The following ZMIZ1 variants were observed in gnomAD, a reference collection of about 807,000 sequenced individuals.
ZMIZ1 encodes the protein zinc finger MIZ-type containing 1, also known as zinc finger MIZ domain-containing protein 1.
Under a neutral mutation model 113.9 loss-of-function variants are expected in ZMIZ1, and 17 were observed. The observed-to-expected ratio is 0.15, with a 90% CI of 0.10 to 0.22. The LOEUF is 0.22. Ranked by LOEUF, ZMIZ1 falls within the 10% of genes least tolerant of loss-of-function variation. The pLI is 1.00. For synonymous variants in ZMIZ1, 607 were observed against 603.1 expected (o/e 1.01, Z -0.09); for missense variants, 1,059 against 1,477.8 (o/e 0.72, Z 4.65).
chr10:79,136,048 C>A (rs1803018015), intron 2 of ZMIZ1, among the ~76,000 whole-genome samples: 1 of 152,162 alleles, frequency 6.6e-6, no homozygotes, highest in Admixed American at 6.5e-5. Context: ...CCTAGGGGGC[C>A]AAAAGGCACC....
chr10:79,160,592 C>T (rs552858545), intron 3 of ZMIZ1, among the ~76,000 whole-genome samples: 10 of 152,226 alleles, frequency 6.6e-5, no homozygotes, highest in Non-Finnish European at 1.2e-4. Flanking sequence ...ACACTTGGTA[C>T]GAGGGCGAAG....
chr10:79,265,786 G>A (rs1851564627), intron 7 of ZMIZ1, among the ~76,000 whole-genome samples: 1 of 152,090 alleles, frequency 6.6e-6, no homozygotes, highest in South Asian at 2.1e-4. Context: ...AGACCACAGG[G>A]TGCTCCCCAC....
chr10:79,129,306 C>T (rs960434005), intron 2 of ZMIZ1, among the ~76,000 whole-genome samples: 1 of 152,158 alleles, frequency 6.6e-6, no homozygotes, highest in Admixed American at 6.5e-5. Flanking sequence ...TGCCTGGGAC[C>T]GTCCTGGTTT....
At position 79,201,779 on chromosome 10, in the gene ZMIZ1, C is replaced by T. The variant is rs575294887; in HGVS notation, c.60+87C>T. On this transcript the variant is annotated intron_variant, in intron 5 of 24. Transcript: ENST00000334512. ...GCATCTGGTGGGTTCTGGCTGGAGA[C>T]GATGGCAGGGCCTCCTGACCACCTA... 4.4e-4 allele frequency: 644 copies of T among 1,458,988 alleles called. 5 individuals are homozygous for T. The South Asian group carries it at 6.4e-3, about 15-fold the overall frequency. 90.4% of individuals were successfully genotyped at this position (1,458,988 alleles called of 1,614,324 possible). A position where few individuals can be genotyped will look rare whatever the true frequency, so the allele number is the denominator to read the frequency against.
chr10:79,310,984 C>A lies in ZMIZ1; in HGVS notation c.2896C>A (p.Pro966Thr). 1 of 1,614,038 alleles carries A rather than the reference C, an allele frequency of 6.2e-7. No homozygotes were observed. Among genetic ancestry groups the A allele is most frequent in the South Asian group, 1.1e-5 (1 of 91,074 alleles). Residue 966 changes from proline (P) to threonine (T), a missense_variant, in exon 24 of 25, where the codon CCA becomes ACA. Pro to Thr is a conservative substitution (Grantham distance 38, BLOSUM62 -1). Transcript: ENST00000334512. ...HPSIQQGLHV[P>T]HPSSQSGPPL... ...CTCCATACAACAAGGTTTGCACGTA[C>A]CACACCCCAGCAGCCAGTCAGGGCC...
chr10:79,298,352 C>T, intron 14 of ZMIZ1, 54 bp from the exon 15 acceptor site: 5 of 1,567,164 alleles, frequency 3.2e-6, no homozygotes, highest in Non-Finnish European at 4.3e-6. Context: ...ATAGCCATGG[C>T]CCCTTCTGTC....
intron 7 of ZMIZ1, among the ~76,000 whole-genome samples, chr10:79,252,723 G>A (rs1176395183): frequency 6.6e-6 from 1 of 152,226 alleles, no homozygotes; most frequent in Non-Finnish European, 1.5e-5. Flanking sequence ...GAGTGTGTGA[G>A]TGTGTGCAGG....
intron 1 of ZMIZ1, among the ~76,000 whole-genome samples, chr10:79,111,076 C>G (rs1281562061): frequency 6.6e-6 from 1 of 152,242 alleles, no homozygotes; most frequent in Admixed American, 6.5e-5. Context: ...ACCGGGGCCC[C>G]TGTGCATAGA....
At chr10:79,076,243 C>T (rs1182740490) in intron 1 of ZMIZ1, among the ~76,000 whole-genome samples, 2 of 152,176 alleles carry the variant, frequency 1.3e-5, no homozygotes, top group Non-Finnish European at 2.9e-5. Context: ...TCCGCCAGTC[C>T]ATTAGCTCAT....
At chr10:79,117,209 A>G (rs1233083470) in intron 1 of ZMIZ1, among the ~76,000 whole-genome samples, 1 of 152,192 alleles carries the variant, frequency 6.6e-6, no homozygotes, top group African/African-American at 2.4e-5. Flanking sequence ...ACAAAATGTC[A>G]CTCACACCGA....
At chr10:79,236,656 C>G (rs1185839170) in intron 7 of ZMIZ1, among the ~76,000 whole-genome samples, 2 of 152,204 alleles carry the variant, frequency 1.3e-5, no homozygotes, top group East Asian at 3.9e-4. Context: ...CCCTGAGAAA[C>G]AACCCACGTT....
chr10:79,227,291 T>C (rs1304326909), intron 7 of ZMIZ1, among the ~76,000 whole-genome samples: 1 of 152,234 alleles, frequency 6.6e-6, no homozygotes, highest in East Asian at 1.9e-4. Context: ...CACCCTCCCA[T>C]CTTTGGGCTC....
chr10:79,184,161 A>C (rs1300328301), intron 4 of ZMIZ1, among the ~76,000 whole-genome samples: 1 of 152,146 alleles, frequency 6.6e-6, no homozygotes, highest in East Asian at 1.9e-4. Flanking sequence ...CAGAATGTTT[A>C]GAAGAAAAGG....
At position 79,307,552 on chromosome 10, in the gene ZMIZ1, G is replaced by T; in HGVS notation, c.2816G>T (p.Ser939Ile). The change falls in exon 23 of 25, where the codon AGC (serine) becomes ATC (isoleucine). Residue 939 changes from serine to isoleucine, a missense_variant. This residue lies in a region of ZMIZ1 where 225 missense variants were observed against 276.0 expected (regional missense o/e 0.82). Transcript: ENST00000334512. ...ATGGCCGCCCTCGAGAAACCCCTCA[G>T]CCACCCCATGCAGGAAACTGTGAGT... is the stretch of plus-strand genomic sequence containing the variant. ...NNMAALEKPL[S>I]HPMQETMPHA... 2 of 1,604,984 alleles carry T rather than the reference G, an allele frequency of 1.2e-6. No individual in the cohort carries two copies. Among genetic ancestry groups the T allele is most frequent in the Non-Finnish European group, 1.7e-6 (2 of 1,177,622 alleles).
chr10:79,107,609 G>T (rs1843607541), intron 1 of ZMIZ1, among the ~76,000 whole-genome samples: 1 of 152,216 alleles, frequency 6.6e-6, no homozygotes, highest in Admixed American at 6.5e-5. Context: ...ACCGGGCGGT[G>T]GGAGGAGGGA....
chr10:79,093,299 TTA>T (rs1843053651), intron 1 of ZMIZ1, among the ~76,000 whole-genome samples: 2 of 67,454 alleles, frequency 3.0e-5, no homozygotes, highest in African/African-American at 1.0e-4. Flanking sequence ...TTTTATTTAT[TTA>T]TTTATTTATT....
chr10:79,193,098 A>T (rs1847677607), intron 4 of ZMIZ1, among the ~76,000 whole-genome samples: 1 of 152,174 alleles, frequency 6.6e-6, no homozygotes, highest in African/African-American at 2.4e-5. Context: ...GCCACCTGCG[A>T]CGTGACCACA....
At chr10:79,116,848 G>A (rs775382088) in intron 1 of ZMIZ1, among the ~76,000 whole-genome samples, 12 of 152,198 alleles carry the variant, frequency 7.9e-5, no homozygotes, top group East Asian at 1.9e-4. Flanking sequence ...CAAGGATACC[G>A]ACTGTCCTGA....
chr10:79,268,593 G>T (rs201060884), intron 7 of ZMIZ1, among the ~76,000 whole-genome samples: 1 of 152,234 alleles, frequency 6.6e-6, no homozygotes, highest in African/African-American at 2.4e-5. Flanking sequence ...ACGCCGTGCT[G>T]GGTGCCAGGG....
Sources: gnomAD v4.1 joint callset for allele counts (sites outside exome capture counted in the v4.1 genomes callset) on GRCh38, gnomAD v4.1.1 for gene constraint, gnomAD v4.1.1 regional missense constraint, MANE v1.5 for transcripts, NCBI Gene and HGNC (gene_info 2026-07-23, HGNC 2026-07-21) for gene names.